The following BTRC variants were observed in gnomAD, a reference collection of about 807,000 sequenced individuals.
BTRC encodes the protein F-box/WD repeat-containing protein 1A.
In BTRC, 42 loss-of-function variants were observed where a neutral mutation model predicts 85.5. The ratio of observed to expected loss-of-function variants is 0.49; its 90% CI spans 0.38 to 0.64. The LOEUF (loss-of-function observed/expected upper bound fraction) is 0.64. Ranked by LOEUF, BTRC falls within the 30% of genes least tolerant of loss-of-function variation. BTRC has a pLI of 0.00. For missense variants in BTRC, 594 were observed against 743.5 expected (o/e 0.80, Z 2.34); for synonymous variants, 255 against 263.3 (o/e 0.97, Z 0.30).
At chr10:101,372,492 G>A (rs1420987787) in intron 1 of BTRC, among the ~76,000 whole-genome samples, 1 of 149,210 alleles carries the variant, frequency 6.7e-6, no homozygotes, top group Non-Finnish European at 1.5e-5. Flanking sequence ...CTGACCTCGT[G>A]ATCTGCCCGC....
rs2134225293 is a variant in BTRC at position 101,479,420 on chromosome 10, C to G, written c.287C>G (p.Ala96Gly). ...LCLNQETVCLASTAMKTENCV... is the reference protein window; with the variant it reads ...LCLNQETVCLGSTAMKTENCV... The stretch of plus-strand genomic sequence containing the variant: ...TTAAACCAAGAAACAGTATGTTTAG[C>G]AAGCACTGCTATGAAGACTGAGAAT... The change falls in exon 4 of 15, where the codon GCA becomes GGA. Residue 96 changes from alanine to glycine, a missense_variant. Around this residue, in one of 4 missense-constraint regions of BTRC, gnomAD observed 163 missense variants for 180.5 expected, o/e 0.90. Coordinates refer to ENST00000370187, the MANE Select transcript of BTRC (RefSeq NM_033637.4). 1 of 1,613,386 alleles carries G rather than the reference C, an allele frequency of 6.2e-7. No individual in the cohort carries two copies. Among genetic ancestry groups the G allele is most frequent in the Non-Finnish European group, 8.5e-7 (1 of 1,179,532 alleles).
In BTRC at chr10:101,532,784, G is replaced by GTGTGTATGTGTGCGTGTGTA. The variant is rs1554895661; in HGVS notation, c.979-163_979-162insATGTGTGCGTGTGTATGTGT. 3.4e-5 allele frequency among the ~76,000 whole-genome samples: 5 copies of GTGTGTATGTGTGCGTGTGTA among 145,868 alleles called. No individual in the cohort carries two copies. In the East Asian group the frequency reaches 1.0e-3, roughly 30 times the overall value. Reference sequence around the variant, plus strand: ...TGTGTGTGTGTGTGTGTGTGTGTGTGTGTGTGCGCGTGTGCGCGCGCGCGC... The same window carrying GTGTGTATGTGTGCGTGTGTA: ...TGTGTGTGTGTGTGTGTGTGTGTGTGTGTGTATGTGTGCGTGTGTATGTGTGCGCGTGTGCGCGCGCGCGC... On this transcript the variant is annotated intron_variant, in intron 8 of 14. Coordinates refer to ENST00000370187, the MANE Select transcript of BTRC (RefSeq NM_033637.4).
At chr10:101,426,779 G>A (rs1944262612) in intron 1 of BTRC, among the ~76,000 whole-genome samples, 1 of 152,172 alleles carries the variant, frequency 6.6e-6, no homozygotes, top group South Asian at 2.1e-4. Context: ...CCAAGTCTGT[G>A]AATGAAAGGG....
At chr10:101,538,103 T>C (rs758533701) in intron 12 of BTRC, among the ~76,000 whole-genome samples, 190 bp from the exon 13 acceptor site, 7 of 152,210 alleles carry the variant, frequency 4.6e-5, no homozygotes, top group Non-Finnish European at 8.8e-5. Flanking sequence ...GATCCCAAAG[T>C]ATGGTATAAC....
intron 4 of BTRC, among the ~76,000 whole-genome samples, chr10:101,494,871 G>A (rs1210149190): frequency 1.3e-5 from 2 of 152,190 alleles, no homozygotes; most frequent in Admixed American, 6.5e-5. Flanking sequence ...ATATTCAAAT[G>A]TGAAATAGAC....
At chr10:101,371,481 AT>A (rs1421013188) in intron 1 of BTRC, among the ~76,000 whole-genome samples, 2 of 151,906 alleles carry the variant, frequency 1.3e-5, no homozygotes, top group South Asian at 2.1e-4. Flanking sequence ...CCAGCCTTCT[AT>A]TTTTTTTCCT....
At chr10:101,478,941 GAAA>G (rs765974783) in intron 3 of BTRC, among the ~76,000 whole-genome samples, 3 of 98,014 alleles carry the variant, frequency 3.1e-5, no homozygotes, top group Non-Finnish European at 6.5e-5. Context: ...TCCATCTGGG[GAAA>G]AAAAAAAAAA....
Position 101,532,335 on chromosome 10 carries a change from A to T in BTRC, c.881A>T (p.Gln294Leu). ...TGGAGATGTGGAAGACATAGTTTAC[A>T]GAGAATTCACTGCCGAAGTGAAACA... ...SNWRCGRHSLQRIHCRSETSK... is the reference protein window; with the variant it reads ...SNWRCGRHSLLRIHCRSETSK... The change falls in exon 8 of 15, where the codon CAG (glutamine) becomes CTG (leucine). Residue 294 changes from glutamine to leucine, a missense_variant. By Grantham distance (113) the Gln-to-Leu change is moderately radical. Around this residue, in one of 4 missense-constraint regions of BTRC, gnomAD observed 373 missense variants for 503.6 expected, o/e 0.74. Transcript: ENST00000370187. 1 of 1,613,810 alleles carries T rather than the reference A, an allele frequency of 6.2e-7. No homozygotes were observed. The highest frequency in any genetic ancestry group is 1.3e-5 in the African/African-American group (1 of 75,036).
intron 1 of BTRC, among the ~76,000 whole-genome samples, chr10:101,399,029 T>C (rs939422493): frequency 1.3e-5 from 2 of 152,332 alleles, no homozygotes; most frequent in African/African-American, 4.8e-5. Flanking sequence ...CTTGGCTCAC[T>C]GCAACGTCCG....
chr10:101,506,679 T>A (rs1946549904), intron 4 of BTRC, among the ~76,000 whole-genome samples: 1 of 152,214 alleles, frequency 6.6e-6, no homozygotes, highest in Admixed American at 6.5e-5. Context: ...AAGGAAATCT[T>A]TCAGCAGACT....
At chr10:101,389,584 A>C (rs1006857841) in intron 1 of BTRC, among the ~76,000 whole-genome samples, 3 of 145,426 alleles carry the variant, frequency 2.1e-5, no homozygotes, top group Non-Finnish European at 3.0e-5. Context: ...GTTACAGTCA[A>C]GTTACACTGG....
chr10:101,367,131 C>T (rs1214445767), intron 1 of BTRC, among the ~76,000 whole-genome samples: 8 of 135,748 alleles, frequency 5.9e-5, no homozygotes, highest in East Asian at 2.1e-4. Flanking sequence ...AGTGCAGTGG[C>T]GCGATCTTGG....
intron 1 of BTRC, among the ~76,000 whole-genome samples, chr10:101,390,577 C>A (rs1180135244): frequency 2.0e-5 from 3 of 151,988 alleles, no homozygotes; most frequent in Non-Finnish European, 4.4e-5. Context: ...CGTGATCCTC[C>A]CGCCTCGGTC....
At position 101,472,494 on chromosome 10, in the gene BTRC, G is replaced by T. The variant is rs1189197753; in HGVS notation, c.235-6874G>T. On this transcript the variant is annotated intron_variant, in intron 3 of 14. Transcript: ENST00000370187. ...TCCTAACATAGGAAACCTGGTTTAAGATTTTTTTCCTTTCAGCACTTTAAA... is the reference window on the plus strand; with the variant it reads ...TCCTAACATAGGAAACCTGGTTTAATATTTTTTTCCTTTCAGCACTTTAAA... Among the ~76,000 whole-genome samples the T allele has an allele frequency of 4.6e-5, 7 of 151,596 alleles. No homozygotes were observed. In the East Asian group the frequency reaches 1.4e-3, roughly 30 times the overall value.
At chr10:101,400,421 G>A (rs926995598) in intron 1 of BTRC, among the ~76,000 whole-genome samples, 8 of 64,268 alleles carry the variant, frequency 1.2e-4, no homozygotes, top group African/African-American at 3.1e-4. Flanking sequence ...GCTGAGTATC[G>A]GGATCCTTTC....
intron 3 of BTRC, among the ~76,000 whole-genome samples, chr10:101,466,242 TG>T (rs1011282173): frequency 1.3e-5 from 2 of 152,144 alleles, no homozygotes; most frequent in Non-Finnish European, 1.5e-5. Flanking sequence ...CCTGAGAACG[TG>T]GGCAGTGATA....
intron 4 of BTRC, among the ~76,000 whole-genome samples, chr10:101,498,296 G>A (rs188200207): frequency 2.5e-3 from 376 of 152,022 alleles, no homozygotes; most frequent in African/African-American, 7.3e-3. Context: ...TGGGACCACA[G>A]ACATGTGCCA....
chr10:101,464,353 A>G (rs1945312902), intron 3 of BTRC, among the ~76,000 whole-genome samples: 1 of 152,234 alleles, frequency 6.6e-6, no homozygotes, highest in African/African-American at 2.4e-5. Flanking sequence ...ATGGACCAGC[A>G]GGTCACACAT....
At chr10:101,469,595 T>A (rs1945468945) in intron 3 of BTRC, among the ~76,000 whole-genome samples, 1 of 152,184 alleles carries the variant, frequency 6.6e-6, no homozygotes, top group African/African-American at 2.4e-5. Context: ...TGTAAAAAAT[T>A]TACTCCTAAG....
Sources: gnomAD v4.1 joint callset for allele counts (sites outside exome capture counted in the v4.1 genomes callset) on GRCh38, gnomAD v4.1.1 for gene constraint, gnomAD v4.1.1 regional missense constraint, MANE v1.5 for transcripts, NCBI Gene and HGNC (gene_info 2026-07-23, HGNC 2026-07-21) for gene names.